The following LAMA1 variants were observed in gnomAD, a reference collection of about 807,000 sequenced individuals.
LAMA1 encodes laminin subunit alpha 1.
LAMA1 carries 219 observed loss-of-function variants against 348.7 expected under a neutral mutation model. The observed-to-expected ratio is 0.63, with a 90% CI of 0.56 to 0.70. LAMA1 has a LOEUF of 0.70. Among genes scored for constraint, LAMA1 ranks in the 30% least tolerant of loss-of-function variants. The pLI is 0.00. For missense variants in LAMA1, 3,744 were observed against 3,888.0 expected (o/e 0.96, Z 0.99); for synonymous variants, 1,487 against 1,491.0 (o/e 1.00, Z 0.06).
At chr18:7,110,888 T>TCCCCCCCCC (rs35705241) in intron 1 of LAMA1, among the ~76,000 whole-genome samples, 1 of 143,062 alleles carries the variant, frequency 7.0e-6, no homozygotes, top group Admixed American at 6.9e-5. Context: ...TTTTTTTCCC[T>TCCCCCCCCC]CCCCCCCCCC....
intron 3 of LAMA1, among the ~76,000 whole-genome samples, chr18:7,058,348 C>A (rs1357142326): frequency 6.6e-6 from 1 of 152,076 alleles, no homozygotes; most frequent in African/African-American, 2.4e-5. Context: ...AACTGGAGAC[C>A]AGGAAACAAA....
intron 1 of LAMA1, among the ~76,000 whole-genome samples, chr18:7,112,697 C>T (rs1045208144): frequency 1.1e-4 from 17 of 150,756 alleles, no homozygotes; most frequent in Non-Finnish European, 1.6e-4. Context: ...AATGCAATGG[C>T]ACGATCTCGG....
chr18:6,999,539 G>A lies in LAMA1; in HGVS notation c.4569C>T (p.Arg1523=), dbSNP rs986646613. Residue 1523 remains arginine, a synonymous_variant, in exon 32 of 63, where the codon CGC becomes CGT. Transcript: ENST00000389658. ...GCCTGCAAACGCACTGCCCAGATGT[G>A]CGGTCACAGTCACCGTGGACAGAGC... The part of the protein sequence containing the change: ...PHGSVHGDCD[R]TSGQCVCRLG... The A allele has an allele frequency of 1.9e-6, 3 of 1,614,002 alleles. No homozygotes were observed. The highest frequency in any genetic ancestry group is 2.5e-6 in the Non-Finnish European group (3 of 1,180,018).
intron 4 of LAMA1, among the ~76,000 whole-genome samples, chr18:7,050,100 A>C (rs1156536506): frequency 6.6e-6 from 1 of 152,216 alleles, no homozygotes; most frequent in East Asian, 1.9e-4. Context: ...AAAGTCCACA[A>C]AGCCTGAATG....
intron 6 of LAMA1, among the ~76,000 whole-genome samples, chr18:7,045,297 C>G (rs2058037375): frequency 6.6e-6 from 1 of 151,950 alleles, no homozygotes; most frequent in Admixed American, 6.5e-5. Flanking sequence ...GGTGAAACCC[C>G]ATCTCTACTA....
At chr18:6,983,789 G>A (rs981063581) in intron 39 of LAMA1, among the ~76,000 whole-genome samples, 1 of 152,158 alleles carries the variant, frequency 6.6e-6, no homozygotes, top group East Asian at 1.9e-4. Flanking sequence ...TTAGGAACTT[G>A]GTAACTGGTA....
chr18:7,097,279 T>G (rs980748653), intron 1 of LAMA1, among the ~76,000 whole-genome samples: 1 of 118,258 alleles, frequency 8.5e-6, no homozygotes, highest in Non-Finnish European at 1.9e-5. Context: ...ACAAAAAAAA[T>G]AATAAAAAAA....
intron 1 of LAMA1, among the ~76,000 whole-genome samples, chr18:7,092,201 A>C (rs1190289817): frequency 6.6e-6 from 1 of 152,168 alleles, no homozygotes; most frequent in African/African-American, 2.4e-5. Flanking sequence ...TATACTTTGA[A>C]CCTGGTAGTT....
intron 29 of LAMA1, among the ~76,000 whole-genome samples, chr18:7,005,795 G>C (rs527265806): frequency 1.3e-5 from 2 of 152,096 alleles, no homozygotes; most frequent in African/African-American, 4.8e-5. Flanking sequence ...GACAAGAATA[G>C]AAGGACCACT....
At chr18:6,998,672 C>T (rs1435515562) in intron 32 of LAMA1, among the ~76,000 whole-genome samples, 2 of 152,186 alleles carry the variant, frequency 1.3e-5, no homozygotes, top group Non-Finnish European at 2.9e-5. Flanking sequence ...CCTGAGAAGA[C>T]ATCCCAAGCT....
At chr18:6,984,735 T>G (rs949978678) in intron 39 of LAMA1, among the ~76,000 whole-genome samples, 4 of 152,236 alleles carry the variant, frequency 2.6e-5, no homozygotes, top group African/African-American at 9.6e-5. Flanking sequence ...TGGCAGACTT[T>G]CAGGCAGTAG....
intron 3 of LAMA1, among the ~76,000 whole-genome samples, chr18:7,056,598 C>T (rs56010464): frequency 2.0e-5 from 3 of 152,248 alleles, no homozygotes; most frequent in Admixed American, 6.5e-5. Context: ...AGCCACCCTG[C>T]GTGCTGCCTG....
chr18:7,014,122 T>C, intron 22 of LAMA1, 71 bp from the exon 23 acceptor site: 1 of 1,190,562 alleles, frequency 8.4e-7, no homozygotes, highest in South Asian at 1.2e-5. Flanking sequence ...ATATTTGAAT[T>C]ACAGGAAAAC....
At position 6,942,382 on chromosome 18, in the gene LAMA1, A is replaced by C. The variant is rs1467165592; in HGVS notation, c.9068-143T>G. On this transcript the variant is annotated intron_variant, in intron 62 of 62. Transcript: ENST00000389658. ...TCAAAATTAGGAGAATATCTTCCAC[A>C]TATGTGGTGTCAGTGACTAGCAGAA... The C allele has an allele frequency of 4.5e-6, 4 of 887,930 alleles. No homozygotes were observed. In the Admixed American group the frequency reaches 1.1e-4, roughly 24 times the overall value. The allele number at this position is 887,930 out of a possible 1,614,324, so 55.0% of individuals were successfully genotyped here.
intron 51 of LAMA1, 26 bp downstream of exon 51, chr18:6,964,636 C>T (rs1366135742): frequency 6.2e-7 from 1 of 1,613,936 alleles, no homozygotes; most frequent in East Asian, 2.2e-5. Context: ...AAATCAGCGA[C>T]ATGAAAATTC....
intron 1 of LAMA1, among the ~76,000 whole-genome samples, chr18:7,102,037 T>C (rs972038): frequency 0.16 from 24,700 of 152,154 alleles, 2,753 homozygotes; most frequent in East Asian, 0.54. Flanking sequence ...AATATTATTT[T>C]GGATTTATTT....
intron 61 of LAMA1, among the ~76,000 whole-genome samples, chr18:6,943,964 AATTTTAGGAC>A (rs1259520219): frequency 6.6e-6 from 1 of 152,128 alleles, no homozygotes; most frequent in African/African-American, 2.4e-5. Flanking sequence ...TGAGGGCCTC[AATTTTAGGAC>A]ATTTTAGGAG....
chr18:6,979,183 TA>T (rs1443083696), intron 42 of LAMA1, among the ~76,000 whole-genome samples: 1 of 151,436 alleles, frequency 6.6e-6, no homozygotes, highest in African/African-American at 2.4e-5. Context: ...GGCATCCTTA[TA>T]AAAAAAGAAA....
At chr18:7,008,001 C>T (rs752623264) in intron 28 of LAMA1, among the ~76,000 whole-genome samples, 18 of 152,146 alleles carry the variant, frequency 1.2e-4, no homozygotes, top group Non-Finnish European at 2.4e-4. Flanking sequence ...GGCACGATCT[C>T]GGCTCACTGC....
Sources: gnomAD v4.1 joint callset for allele counts (sites outside exome capture counted in the v4.1 genomes callset) on GRCh38, gnomAD v4.1.1 for gene constraint, MANE v1.5 for transcripts, NCBI Gene and HGNC (gene_info 2026-07-23, HGNC 2026-07-21) for gene names.